Variants in NEDD9 observed in about 807,000 individuals in gnomAD.
NEDD9 encodes the protein neural precursor cell expressed, developmentally down-regulated 9.
NEDD9 carries 26 observed loss-of-function variants against 76.6 expected under a neutral mutation model. The ratio of observed to expected loss-of-function variants is 0.34; its 90% confidence interval spans 0.25 to 0.47. The LOEUF (loss-of-function observed/expected upper bound fraction) is 0.47, where lower values mean the gene tolerates loss of function less well. Ranked by LOEUF, NEDD9 falls within the 20% of genes least tolerant of loss-of-function variation. NEDD9 has a pLI of 1.00. For synonymous variants in NEDD9, 392 were observed against 414.2 expected, an observed-to-expected ratio of 0.95 and a Z score of 0.65; for missense variants, 937 against 1,058.5, an observed-to-expected ratio of 0.89 and a Z score of 1.59.
intron 3 of NEDD9, chr6:11,305,038 T>C: frequency 8.1e-7 from 1 of 1,233,602 alleles, no homozygotes; most frequent in Non-Finnish European, 1.1e-6. Context: ...TCAAATTATT[T>C]AAAGAAAGCA....
rs1368027818 is a variant in NEDD9 at position 11,242,174 on chromosome 6, G to A, written c.13-28447C>T. 2.0e-5 allele frequency among the ~76,000 whole-genome samples: 3 copies of A among 152,110 alleles called. No individual in the cohort carries two copies. In the South Asian group the frequency reaches 6.2e-4, roughly 32 times the overall value. ...GCATTCCTTTCTGCCCACTGAGCCC[G>A]GAAATAAAGAGCAGCTCTCTTCTTT... On this transcript the variant is annotated intron_variant, in intron 3 of 3. Transcript: ENST00000397378.
intron 3 of NEDD9, among the ~76,000 whole-genome samples, chr6:11,261,750 CT>C (rs1760120236): frequency 6.6e-6 from 1 of 152,136 alleles, no homozygotes; most frequent in Admixed American, 6.6e-5. Context: ...CAACTTGAAC[CT>C]TGTTTTTACC....
intron 1 of NEDD9, among the ~76,000 whole-genome samples, chr6:11,377,409 A>G (rs1194519374): frequency 6.6e-6 from 1 of 152,254 alleles, no homozygotes; most frequent in Non-Finnish European, 1.5e-5. Context: ...TTAGGAGTCC[A>G]CTGTTATAAC....
At chr6:11,189,901 C>A in intron 5 of NEDD9, 63 bp downstream of exon 5, 1 of 1,488,676 alleles carries the variant, frequency 6.7e-7, no homozygotes, top group Middle Eastern at 1.8e-4. Context: ...TCCTTATAGG[C>A]ATCTTTCTCA....
intron 1 of NEDD9, among the ~76,000 whole-genome samples, chr6:11,358,403 G>A (rs1762621106): frequency 6.6e-6 from 1 of 152,212 alleles, no homozygotes; most frequent in Non-Finnish European, 1.5e-5. Context: ...GGAAGGCTTG[G>A]CCATGTGTGC....
chr6:11,268,468 C>T (rs1409857351), intron 3 of NEDD9, among the ~76,000 whole-genome samples: 2 of 152,000 alleles, frequency 1.3e-5, no homozygotes, highest in Admixed American at 1.3e-4. Flanking sequence ...TGGCTCGTGC[C>T]TGTAATCCCA....
intron 3 of NEDD9, among the ~76,000 whole-genome samples, chr6:11,249,411 G>A (rs1362173348): frequency 1.3e-5 from 2 of 152,150 alleles, no homozygotes; most frequent in Non-Finnish European, 2.9e-5. Context: ...CTCAGTACAA[G>A]GTCCAAGGTG....
At chr6:11,295,566 G>A (rs1343200168) in intron 3 of NEDD9, among the ~76,000 whole-genome samples, 1 of 152,176 alleles carries the variant, frequency 6.6e-6, no homozygotes, top group African/African-American at 2.4e-5. Flanking sequence ...GTCCCCAGCT[G>A]AGGCACAGCA....
intron 3 of NEDD9, among the ~76,000 whole-genome samples, chr6:11,262,464 A>T (rs781445061): frequency 3.3e-5 from 5 of 152,296 alleles, no homozygotes; most frequent in Non-Finnish European, 7.4e-5. Context: ...CCAACACACA[A>T]CCCACACTTT....
intron 3 of NEDD9, among the ~76,000 whole-genome samples, chr6:11,249,451 A>T (rs1388222434): frequency 6.6e-6 from 1 of 152,192 alleles, no homozygotes; most frequent in African/African-American, 2.4e-5. Context: ...CTTCTAAATA[A>T]CATCTTCCAG....
intron 2 of NEDD9, among the ~76,000 whole-genome samples, chr6:11,333,913 G>A (rs1762098595): frequency 6.6e-6 from 1 of 152,210 alleles, no homozygotes; most frequent in African/African-American, 2.4e-5. Context: ...CTTTTCACAA[G>A]ATGGACCCTC....
Position 11,307,996 on chromosome 6 carries a change from C to A in NEDD9, c.-152-1841G>T, listed in dbSNP as rs1202450113. Among the ~76,000 whole-genome samples the A allele has an allele frequency of 2.0e-5, 3 of 152,122 alleles. No individual in the cohort carries two copies. In the East Asian group the frequency reaches 5.8e-4, roughly 29 times the overall value. On this transcript the variant is annotated intron_variant, in intron 2 of 3. Transcript: ENST00000397378. ...GAGATCCATGTCTCCCTTTCTAGAC[C>A]CCGTGCCAAGGACCAGGACATTGGG...
chr6:11,336,501 A>G (rs1762164301), intron 1 of NEDD9, among the ~76,000 whole-genome samples: 1 of 152,342 alleles, frequency 6.6e-6, no homozygotes, highest in South Asian at 2.1e-4. Flanking sequence ...AATGTTCAGT[A>G]TGAATATGGA....
intron 6 of NEDD9, 85 bp from the exon 7 acceptor site, chr6:11,185,756 G>C (rs1390433141): frequency 1.3e-6 from 2 of 1,512,018 alleles, no homozygotes; most frequent in East Asian, 4.7e-5. Flanking sequence ...TTAAAAGACA[G>C]GGATTTTAGT....
Position 11,192,601 on chromosome 6 carries a change from T to TTTC in NEDD9, c.562-156_562-155insGAA, listed in dbSNP as rs1758178091. 3 of 576,498 alleles carry TTTC rather than the reference T, an allele frequency of 5.2e-6. No homozygotes were observed. The South Asian group carries it at 6.9e-5, about 13-fold the overall frequency. 35.7% of individuals were successfully genotyped at this position (576,498 alleles called of 1,614,324 possible). A position where few individuals can be genotyped will look rare whatever the true frequency, so the allele number is the denominator to read the frequency against. On this transcript the variant is annotated intron_variant, in intron 3 of 6. Coordinates refer to ENST00000379446, the MANE Select transcript of NEDD9 (RefSeq NM_006403.4). ...TGTTATAACAGATTTATTGCCTTTT[T>TTTC]TTTTAATACATTTTATGGTTTTTAA...
chr6:11,293,451 T>A (rs879187138), intron 3 of NEDD9, among the ~76,000 whole-genome samples: 1 of 152,122 alleles, frequency 6.6e-6, no homozygotes, highest in African/African-American at 2.4e-5. Context: ...TGTGAGAAAT[T>A]TCTTTGTTTT....
chr6:11,342,927 A>G (rs1762300946), intron 1 of NEDD9, among the ~76,000 whole-genome samples: 1 of 152,226 alleles, frequency 6.6e-6, no homozygotes, highest in Admixed American at 6.5e-5. Flanking sequence ...TGATGTAAAT[A>G]GTATCTGTGG....
In NEDD9 at chr6:11,266,252, C is replaced by A. The variant is rs540247305; in HGVS notation, c.12+39740G>T. On this transcript the variant is annotated intron_variant, in intron 3 of 3. Transcript: ENST00000397378. ...TGTGGGTGATTTTGCACCCCTCCCC[C>A]CTCACTTACTCCAGGGAACATTTTT... is the stretch of plus-strand genomic sequence containing the variant. Among the ~76,000 whole-genome samples, 10 of 152,190 alleles carry A rather than the reference C, an allele frequency of 6.6e-5. No homozygotes were observed. In the East Asian group the frequency reaches 1.5e-3, roughly 23 times the overall value.
intron 3 of NEDD9, among the ~76,000 whole-genome samples, chr6:11,256,493 T>A (rs1485956792): frequency 1.3e-5 from 2 of 152,244 alleles, no homozygotes; most frequent in Admixed American, 6.5e-5. Flanking sequence ...ATTTAATTTT[T>A]ATTTATTTAT....
Sources: allele counts gnomAD v4.1 joint callset (sites outside exome capture counted in the v4.1 genomes callset), GRCh38; gene constraint gnomAD v4.1.1; transcripts MANE v1.5; gene names NCBI Gene and HGNC (gene_info 2026-07-23, HGNC 2026-07-21).